Variants in MRE11 observed in about 807,000 individuals in gnomAD.
The protein encoded by MRE11 is double-strand break repair protein MRE11.
Under a neutral mutation model 91.7 loss-of-function variants are expected in MRE11, and 62 were observed. The observed-to-expected ratio is 0.68, with a 90% CI of 0.55 to 0.84. MRE11 has a LOEUF of 0.84. Among genes scored for constraint, MRE11 ranks in the 40% least tolerant of loss-of-function variants. The probability of loss-of-function intolerance (pLI) is 0.00; values close to 1 mark genes in which losing one functional copy is unlikely to be tolerated. For missense variants in MRE11, 796 were observed against 852.9 expected, an observed-to-expected ratio of 0.93 and a Z score of 0.83; for synonymous variants, 273 against 271.4, an observed-to-expected ratio of 1.01 and a Z score of -0.06.
intron 5 of MRE11, 90 bp from the exon 6 acceptor site, chr11:94,478,966 T>C (rs1449513060): frequency 2.9e-6 from 4 of 1,366,148 alleles, no homozygotes; most frequent in Non-Finnish European, 1.0e-6. Flanking sequence ...GCATACTCCA[T>C]ATTCTACTTA....
intron 13 of MRE11, among the ~76,000 whole-genome samples, chr11:94,457,914 C>CA (rs59279005): frequency 6.7e-6 from 1 of 148,286 alleles, no homozygotes; most frequent in African/African-American, 2.5e-5. Flanking sequence ...CACACACACA[C>CA]CCCACACAGA....
At chr11:94,492,047 C>T (rs1947297068) in intron 2 of MRE11, among the ~76,000 whole-genome samples, 1 of 152,214 alleles carries the variant, frequency 6.6e-6, no homozygotes, top group South Asian at 2.1e-4. Context: ...GCTCAGAGAA[C>T]TGCTGACTTG....
chr11:94,446,385 C>A (rs1165770409), intron 15 of MRE11, among the ~76,000 whole-genome samples: 4 of 151,820 alleles, frequency 2.6e-5, no homozygotes, highest in African/African-American at 7.3e-5. Context: ...CCAGCCTGGG[C>A]AACAGAGCAA....
At chr11:94,437,012 A>G (rs1025538912) in intron 17 of MRE11, among the ~76,000 whole-genome samples, 165 bp downstream of exon 17, 1 of 152,202 alleles carries the variant, frequency 6.6e-6, no homozygotes, top group Non-Finnish European at 1.5e-5. Flanking sequence ...CCAAGAAAAA[A>G]AAAATCAAAT....
chr11:94,455,739 C>T (rs1036826059), intron 14 of MRE11, among the ~76,000 whole-genome samples: 1 of 152,116 alleles, frequency 6.6e-6, no homozygotes, highest in Non-Finnish European at 1.5e-5. Context: ...CTAACCAAAA[C>T]ACTTTAAGTT....
At chr11:94,455,166 C>T (rs1302746955) in intron 14 of MRE11, among the ~76,000 whole-genome samples, 1 of 152,042 alleles carries the variant, frequency 6.6e-6, no homozygotes, top group Non-Finnish European at 1.5e-5. Context: ...TTTGATAGGA[C>T]ACAGGATGAT....
intron 19 of MRE11, among the ~76,000 whole-genome samples, chr11:94,425,676 A>G (rs754352499): frequency 2.6e-5 from 4 of 152,250 alleles, no homozygotes; most frequent in Non-Finnish European, 5.9e-5. Context: ...TGAAAAACAA[A>G]AAAGGGCAGG....
At chr11:94,491,009 T>C in intron 2 of MRE11, 44 bp from the exon 3 acceptor site, 2 of 1,121,568 alleles carry the variant, frequency 1.8e-6, no homozygotes, top group Non-Finnish European at 2.6e-6. Flanking sequence ...TAATAATTCA[T>C]TAAAGGATAT....
At chr11:94,507,401 C>T in the MRE11 span, among the ~76,000 whole-genome samples, 1 of 151,818 alleles carries the variant, frequency 6.6e-6, no homozygotes, top group Non-Finnish European at 1.5e-5. Context: ...ATTGTTTCCA[C>T]TTTGGGGATT....
intron 7 of MRE11, chr11:94,475,419 C>T (rs998784953): frequency 8.8e-6 from 3 of 341,430 alleles, no homozygotes; most frequent in Admixed American, 3.8e-5. Context: ...GAACACCCCC[C>T]GTGGATACCA....
chr11:94,490,661 G>T (rs113626248), intron 3 of MRE11, among the ~76,000 whole-genome samples, 172 bp downstream of exon 3: 9 of 152,320 alleles, frequency 5.9e-5, no homozygotes, highest in African/African-American at 2.2e-4. Context: ...GCTCCTACTT[G>T]AATTTAAGAC....
chr11:94,471,081 T>C (rs1270058317), intron 8 of MRE11, among the ~76,000 whole-genome samples: 2 of 152,066 alleles, frequency 1.3e-5, no homozygotes, highest in African/African-American at 4.8e-5. Context: ...CCTATTATCA[T>C]TGTAACAATC....
At chr11:94,457,768 A>G (rs1946291287) in intron 13 of MRE11, among the ~76,000 whole-genome samples, 1 of 152,088 alleles carries the variant, frequency 6.6e-6, no homozygotes, top group Non-Finnish European at 1.5e-5. Flanking sequence ...GTGGGTTTAG[A>G]TAACTCAATG....
chr11:94,470,620 T>C lies in MRE11; in HGVS notation c.868A>G (p.Lys290Glu), dbSNP rs760966006. 1.2e-6 allele frequency: 2 copies of C among 1,613,122 alleles called. No homozygotes were observed. The highest frequency in any genetic ancestry group is 3.3e-5 in the Admixed American group (2 of 59,942). ...VKKHVGLLRIKGRKMNMHKIP... is the reference protein window; with the variant it reads ...VKKHVGLLRIEGRKMNMHKIP... The stretch of plus-strand genomic sequence containing the variant: ...TTATGCATATTCATCTTCCTCCCTT[T>C]AATACGCAGCAAACCAACATGTCTG... The change falls in exon 9 of 20, where the codon AAA becomes GAA. Residue 290 changes from lysine to glutamate, a missense_variant. Lys to Glu is a moderately conservative substitution (Grantham distance 56). Transcript: ENST00000323929.
intron 6 of MRE11, among the ~76,000 whole-genome samples, chr11:94,476,712 G>A (rs377540214): frequency 1.9e-4 from 29 of 151,550 alleles, no homozygotes; most frequent in African/African-American, 7.0e-4. Flanking sequence ...AGCTGTTTCA[G>A]GGTTTTTTTT....
intron 16 of MRE11, among the ~76,000 whole-genome samples, chr11:94,445,482 G>GT (rs1360522819): frequency 1.3e-5 from 2 of 151,982 alleles, no homozygotes; most frequent in Non-Finnish European, 2.9e-5. Context: ...GCTGATTTTT[G>GT]TATTTTTAGT....
At chr11:94,476,211 C>A in intron 7 of MRE11, 78 bp downstream of exon 7, 1 of 882,926 alleles carries the variant, frequency 1.1e-6, no homozygotes, top group Non-Finnish European at 1.9e-6. Context: ...AAGGGCATTT[C>A]ACTAAAATAG....
rs371077728 is a variant in MRE11 at position 94,467,821 on chromosome 11, G to T, written c.1090C>A (p.Arg364=). ...NSHQPEKPLV[R]LRVDYSGGFE... is the part of the protein sequence containing the mutation. The stretch of plus-strand genomic sequence containing the variant: ...ATATAAATAGGACTTACTCGCAGTC[G>T]TACAAGAGGCTTCTCTGGCTGGTGA... Residue 364 remains arginine (R), a synonymous_variant, in exon 10 of 20, where the codon CGA becomes AGA. Coordinates refer to ENST00000323929, the MANE Select transcript of MRE11 (RefSeq NM_005591.4). The T allele has an allele frequency of 2.6e-5, 42 of 1,611,578 alleles. No individual in the cohort carries two copies. Among genetic ancestry groups the T allele is most frequent in the Admixed American group, 1.3e-4 (8 of 59,960 alleles).
At chr11:94,503,826 C>CAA in the MRE11 span, among the ~76,000 whole-genome samples, 1,938 of 84,712 alleles carry the variant, frequency 0.023, 110 homozygotes, top group African/African-American at 0.041. Flanking sequence ...GACTCCGTCT[C>CAA]AAAAAAAAAA....
Sources: allele counts gnomAD v4.1 joint callset (sites outside exome capture counted in the v4.1 genomes callset), GRCh38; gene constraint gnomAD v4.1.1; transcripts MANE v1.5; gene names NCBI Gene and HGNC (gene_info 2026-07-23, HGNC 2026-07-21).